ZNF84: variants seen among roughly 807,000 people sequenced by gnomAD.
ZNF84 encodes zinc finger protein HPF2.
Under a neutral mutation model 14.8 loss-of-function variants are expected in ZNF84, and 12 were observed. The ratio of observed to expected loss-of-function variants is 0.81; its 90% confidence interval spans 0.52 to 1.31. The LOEUF (loss-of-function observed/expected upper bound fraction) is 1.31. Among genes scored for constraint, ZNF84 ranks in the 50% most tolerant of loss-of-function variants. The pLI is 0.00. For missense variants in ZNF84, 859 were observed against 878.6 expected (o/e 0.98, Z 0.28); for synonymous variants, 347 against 291.1 (o/e 1.19, Z -1.96).
intron 1 of ZNF84, among the ~76,000 whole-genome samples, chr12:133,038,558 CAA>C (rs67023898): frequency 0.14 from 20,013 of 142,228 alleles, 1,436 homozygotes; most frequent in Non-Finnish European, 0.17. Context: ...AAGACCCTGT[CAA>C]AAAAAAAAAA....
At chr12:133,038,143 T>C (rs1348562875) in intron 1 of ZNF84, among the ~76,000 whole-genome samples, 1 of 152,232 alleles carries the variant, frequency 6.6e-6, no homozygotes, top group East Asian at 1.9e-4. Context: ...GTTTCCATTA[T>C]TTTAAAATTT....
chr12:133,051,156 G>T (rs1407583523), intron 4 of ZNF84, among the ~76,000 whole-genome samples: 7 of 112,774 alleles, frequency 6.2e-5, no homozygotes, highest in African/African-American at 1.8e-4. Context: ...TGTAATTTGA[G>T]AAACTTCTTG....
chr12:133,041,179 T>G (rs1287849893), intron 1 of ZNF84, 99 bp from the exon 2 acceptor site: 18 of 435,258 alleles, frequency 4.1e-5, no homozygotes, highest in Non-Finnish European at 5.3e-5. Flanking sequence ...CAAGCGTACC[T>G]CTGGCCTTAG....
intron 4 of ZNF84, among the ~76,000 whole-genome samples, chr12:133,051,318 T>C (rs1272028569): frequency 6.6e-6 from 1 of 152,138 alleles, no homozygotes; most frequent in African/African-American, 2.4e-5. Context: ...TTTTAAAAAA[T>C]TGAGCACTTA....
chr12:133,046,828 A>G lies in ZNF84; in HGVS notation c.16-1127A>G, dbSNP rs200438861. Among the ~76,000 whole-genome samples the G allele has an allele frequency of 1.6e-3, 239 of 145,412 alleles. 3 individuals carry two copies. The East Asian group carries it at 0.043, about 26-fold the overall frequency. On this transcript the variant is annotated intron_variant, in intron 2 of 4. Transcript: ENST00000539354. The stretch of plus-strand genomic sequence containing the variant: ...TGGCATATGTCACCATACCCAGCTA[A>G]TATTTATATATATTTTATATTATAT...
At chr12:133,044,862 C>T (rs1053631162) in intron 2 of ZNF84, among the ~76,000 whole-genome samples, 6 of 150,582 alleles carry the variant, frequency 4.0e-5, no homozygotes, top group East Asian at 2.0e-4. Flanking sequence ...TGCAGTGAGC[C>T]GAGATTGCGC....
rs1954174358 is a variant in ZNF84 at position 133,057,193 on chromosome 12, G to A, written c.478G>A (p.Val160Met). The A allele has an allele frequency of 6.2e-7, 1 of 1,612,886 alleles. No individual in the cohort carries two copies. The change falls in exon 5 of 5, where the codon GTG (valine) becomes ATG (methionine). Residue 160 changes from valine (V) to methionine (M), a missense_variant. By Grantham distance (21) the Val-to-Met change is conservative (BLOSUM62 1). Transcript: ENST00000539354. ...YGKAESDDFN[V>M]FDNFFLHSKP... ...AAAAGCAGAATCAGATGACTTTAATGTGTTTGATAATTTTTTTCTCCATTC... is the reference window on the plus strand; with the variant it reads ...AAAAGCAGAATCAGATGACTTTAATATGTTTGATAATTTTTTTCTCCATTC...
rs1273172173 is a variant in ZNF84 at position 133,059,835 on chromosome 12, G to A, written c.*903G>A. ...GAATAAGTACCTTAAGTGATAACCC[G>A]TTTCTTTTAACTTATAGACATACAT... On this transcript the variant is annotated 3_prime_UTR_variant, in exon 5 of 5. Coordinates refer to ENST00000539354, the MANE Select transcript of ZNF84 (RefSeq NM_001289971.2). The A allele has an allele frequency of 3.3e-5, 5 of 152,194 alleles. No homozygotes were observed. Among genetic ancestry groups the A allele is most frequent in the South Asian group, 2.1e-4 (1 of 4,828 alleles). The allele number at this position is 152,194 out of a possible 1,614,324, so 9.4% of individuals were successfully genotyped here. A position where few individuals can be genotyped will look rare whatever the true frequency, so the allele number is the denominator to read the frequency against.
intron 3 of ZNF84, 119 bp downstream of exon 3, chr12:133,048,200 C>T: frequency 1.0e-6 from 1 of 957,018 alleles, no homozygotes; most frequent in Non-Finnish European, 1.5e-6. Flanking sequence ...TGATTTTAGA[C>T]CTGAAACTTA....
In ZNF84 at chr12:133,060,628, G is replaced by A. The variant is rs1038437722; in HGVS notation, c.*1696G>A. Reference sequence around the variant, plus strand: ...AAAATAGTAGTGTATGGATACCATTGTAATGTTGAGAAACTGTAAGTCACA... The same window carrying A: ...AAAATAGTAGTGTATGGATACCATTATAATGTTGAGAAACTGTAAGTCACA... On this transcript the variant is annotated 3_prime_UTR_variant, in exon 5 of 5. Transcript: ENST00000539354. 6.6e-5 allele frequency: 10 copies of A among 152,160 alleles called. No homozygotes were observed. Among genetic ancestry groups the A allele is most frequent in the African/African-American group, 2.4e-4 (10 of 41,434 alleles). 9.4% of individuals were successfully genotyped at this position (152,160 alleles called of 1,614,324 possible). A position where few individuals can be genotyped will look rare whatever the true frequency, so the allele number is the denominator to read the frequency against.
chr12:133,048,578 T>C (rs1954022965), intron 3 of ZNF84, 175 bp from the exon 4 acceptor site: 2 of 471,012 alleles, frequency 4.2e-6, no homozygotes, highest in East Asian at 3.6e-5. Flanking sequence ...TTCAGTGGCT[T>C]TGTACTAGAC....
chr12:133,058,939 A>C lies in ZNF84; in HGVS notation c.*7A>C. On this transcript the variant is annotated 3_prime_UTR_variant, in exon 5 of 5. Coordinates refer to ENST00000539354, the MANE Select transcript of ZNF84 (RefSeq NM_001289971.2). ...TACAGTAAAAAAATCCTAGGAATAC[A>C]GTTAATAGTAGTCTTTGACAGATCA... 1.9e-6 allele frequency: 3 copies of C among 1,577,114 alleles called. No homozygotes were observed. The highest frequency in any genetic ancestry group is 2.6e-6 in the Non-Finnish European group (3 of 1,165,900).
chr12:133,050,778 CTG>C (rs1304802892), intron 4 of ZNF84, among the ~76,000 whole-genome samples: 27 of 152,304 alleles, frequency 1.8e-4, no homozygotes, highest in African/African-American at 6.3e-4. Flanking sequence ...GAAGTCCCAT[CTG>C]TGACCTGATC....
intron 4 of ZNF84, among the ~76,000 whole-genome samples, chr12:133,052,258 G>A (rs1188427899): frequency 2.0e-5 from 3 of 152,202 alleles, no homozygotes; most frequent in Admixed American, 2.0e-4. Context: ...CTTGTGGACA[G>A]CCACCCTCTC....
intron 1 of ZNF84, chr12:133,038,991 A>T (rs1953838419): frequency 2.6e-5 from 4 of 152,218 alleles, no homozygotes; most frequent in Non-Finnish European, 5.9e-5. Flanking sequence ...AGTTTCCATC[A>T]TCCTAAGAAT....
intron 2 of ZNF84, 75 bp from the exon 3 acceptor site, chr12:133,047,880 C>G: frequency 1.9e-6 from 3 of 1,545,762 alleles, no homozygotes; most frequent in Non-Finnish European, 2.7e-6. Context: ...GAATGAAGTG[C>G]TAAAGCTCCA....
chr12:133,054,031 A>G (rs1954111733), intron 4 of ZNF84, among the ~76,000 whole-genome samples: 1 of 152,202 alleles, frequency 6.6e-6, no homozygotes, highest in South Asian at 2.1e-4. Context: ...TCTAGGTACA[A>G]CCTCACAAAA....
At chr12:133,041,511 TC>T (rs1953888643) in intron 2 of ZNF84, 29 bp downstream of exon 2, 20 of 1,611,446 alleles carry the variant, frequency 1.2e-5, no homozygotes, top group Non-Finnish European at 1.7e-6. Flanking sequence ...TCTTATTTTT[TC>T]CCAGGGAATT....
intron 1 of ZNF84, chr12:133,040,854 A>G (rs1953874338): frequency 6.6e-6 from 1 of 152,178 alleles, no homozygotes. Context: ...AGTTAAGGAT[A>G]TATTAATAGA....
Sources: allele counts gnomAD v4.1 joint callset (sites outside exome capture counted in the v4.1 genomes callset), GRCh38; gene constraint gnomAD v4.1.1; transcripts MANE v1.5; gene names NCBI Gene and HGNC (gene_info 2026-07-23, HGNC 2026-07-21).